The following FMNL1 variants were observed in gnomAD, a reference collection of about 807,000 sequenced individuals.
FMNL1 encodes the protein formin-like protein 1.
In FMNL1, 43 loss-of-function variants were observed where a neutral mutation model predicts 121.3. The ratio of observed to expected loss-of-function variants is 0.35; its 90% CI spans 0.28 to 0.46. The LOEUF is 0.46. FMNL1 is among the 20% of genes least tolerant of loss of function. The pLI is 1.00. For synonymous variants in FMNL1, 613 were observed against 613.5 expected, an observed-to-expected ratio of 1.00 and a Z score of 0.01; for missense variants, 1,191 against 1,482.4, an observed-to-expected ratio of 0.80 and a Z score of 3.23.
chr17:45,232,928 G>C (rs960584192), intron 3 of FMNL1: 6 of 529,916 alleles, frequency 1.1e-5, no homozygotes, highest in African/African-American at 7.6e-5. Context: ...TTCATGTGCT[G>C]TGTGTGTGTG....
chr17:45,246,736 CA>C (rs1452000295), intron 26 of FMNL1, 130 bp from the exon 27 acceptor site: 8 of 903,568 alleles, frequency 8.9e-6, no homozygotes, highest in Non-Finnish European at 1.4e-5. Context: ...AGGGGTCTGG[CA>C]AACATAAACG....
chr17:45,240,803 T>C, intron 12 of FMNL1, 178 bp downstream of exon 12: 1 of 944,948 alleles, frequency 1.1e-6, no homozygotes, highest in Non-Finnish European at 1.5e-6. Flanking sequence ...GTTGGGTGTC[T>C]TTCTCAATGA....
chr17:45,234,300 G>C (rs761172187), intron 6 of FMNL1, 100 bp downstream of exon 6: 1 of 1,592,682 alleles, frequency 6.3e-7, no homozygotes. Flanking sequence ...GTTGGCGAGA[G>C]GGGTAGCCAT....
intron 3 of FMNL1, 76 bp downstream of exon 3, chr17:45,232,556 T>C: frequency 1.5e-6 from 2 of 1,364,946 alleles, no homozygotes; most frequent in Non-Finnish European, 2.1e-6. Context: ...TAACTGTGTG[T>C]ACAGACTTTT....
intron 24 of FMNL1, 33 bp downstream of exon 24, chr17:45,246,006 T>C: frequency 6.6e-7 from 1 of 1,524,884 alleles, no homozygotes; most frequent in South Asian, 1.3e-5. Context: ...GGTACTGGGC[T>C]GCAGGGATGC....
At position 45,234,412 on chromosome 17, in the gene FMNL1, C is replaced by T. The variant is rs113373859; in HGVS notation, c.614+212C>T. On this transcript the variant is annotated intron_variant, in intron 6 of 26. Coordinates refer to ENST00000331495, the MANE Select transcript of FMNL1 (RefSeq NM_005892.4). ...GGGTGCTGTGGCTCATGCCTGTAAT[C>T]CCAGCACTTTGGGAGACTGAGGTGG... 3,518 of 723,092 alleles carry T rather than the reference C, an allele frequency of 4.9e-3. 19 individuals are homozygous for T. Among genetic ancestry groups the T allele is most frequent in the Non-Finnish European group, 5.9e-3 (2,641 of 449,106 alleles). 44.8% of individuals were successfully genotyped at this position (723,092 alleles called of 1,614,324 possible).
chr17:45,225,409 C>T (rs1360063994), intron 1 of FMNL1, among the ~76,000 whole-genome samples: 4 of 152,300 alleles, frequency 2.6e-5, no homozygotes, highest in East Asian at 1.9e-4. Context: ...GCCATGGGGT[C>T]GCTCAGGCCT....
At position 45,229,216 on chromosome 17, in the gene FMNL1, T is replaced by A. The variant is rs541826381; in HGVS notation, c.130-1388T>A. ...CTTCAGCCGCTGGGGGCGGGGGGCC[T>A]GGCGGAGGGGCAGTTTCACCTCTCC... On this transcript the variant is annotated intron_variant, in intron 1 of 26. Coordinates refer to ENST00000331495, the MANE Select transcript of FMNL1 (RefSeq NM_005892.4). 3.7e-3 allele frequency among the ~76,000 whole-genome samples: 568 copies of A among 152,310 alleles called. 4 individuals are homozygous for A. The highest frequency in any genetic ancestry group is 0.013 in the African/African-American group (545 of 41,572).
intron 19 of FMNL1, among the ~76,000 whole-genome samples, chr17:45,244,588 C>T (rs1567972868): frequency 6.6e-6 from 1 of 152,190 alleles, no homozygotes; most frequent in Non-Finnish European, 1.5e-5. Flanking sequence ...GTGGGTTGGA[C>T]TAGCAGAGGA....
rs1406700912 is a variant in FMNL1 at position 45,237,928 on chromosome 17, G to A, written c.894+289G>A. On this transcript the variant is annotated intron_variant, in intron 9 of 26. Transcript: ENST00000331495. This position sits in a 1 kb window ranked among gnomAD's most constrained non-coding sequence, Gnocchi z 4.4. The stretch of plus-strand genomic sequence containing the variant: ...CCTTGCCAGATCCAAACTAGCCTTG[G>A]TTCATACCTCCAGGAGTTGCGGACT... The A allele has an allele frequency of 9.7e-5, 35 of 362,390 alleles. No individual in the cohort carries two copies. In the Admixed American group the frequency reaches 1.3e-3, roughly 13 times the overall value. 22.4% of individuals were successfully genotyped at this position (362,390 alleles called of 1,614,324 possible).
chr17:45,241,862 C>G lies in FMNL1; in HGVS notation c.1601C>G (p.Ala534Gly). ...GSPSPDLAPA[A>G]EPAPGAAPPP... ...GCTGGCTCAGATCTCGCACCTGCAGCAGAGCCGGCTCCCGGAGCAGCGCCA... is the reference window on the plus strand; with the variant it reads ...GCTGGCTCAGATCTCGCACCTGCAGGAGAGCCGGCTCCCGGAGCAGCGCCA... Residue 534 changes from alanine (A) to glycine (G), a missense_variant, in exon 15 of 27, where the codon GCA (alanine) becomes GGA (glycine). Transcript: ENST00000331495. The surrounding 1 kb of genome is among the most constrained non-coding windows in gnomAD (Gnocchi z 7.0). 1 of 1,431,738 alleles carries G rather than the reference C, an allele frequency of 7.0e-7. No individual in the cohort carries two copies. Among genetic ancestry groups the G allele is most frequent in the Non-Finnish European group, 9.1e-7 (1 of 1,102,412 alleles). The allele number at this position is 1,431,738 out of a possible 1,614,324, so 88.7% of individuals were successfully genotyped here. A position where few individuals can be genotyped will look rare whatever the true frequency, so the allele number is the denominator to read the frequency against.
rs1319695521 is a variant in FMNL1 at position 45,246,337 on chromosome 17, G to T, written c.3211+7G>T. 6.2e-7 allele frequency: 1 copy of T among 1,613,942 alleles called. No homozygotes were observed. Among genetic ancestry groups the T allele is most frequent in the Non-Finnish European group, 8.5e-7 (1 of 1,180,016 alleles). On this transcript the variant is annotated splice_region_variant and intron_variant, in intron 25 of 26. Coordinates refer to ENST00000331495, the MANE Select transcript of FMNL1 (RefSeq NM_005892.4). ...ATTGAAGACATCATCACAGGTAAGG[G>T]CTTGGCCAGGCCTTGGTCTTATCCT...
Position 45,247,026 on chromosome 17 carries a change from C to A in FMNL1, c.*168C>A. On this transcript the variant is annotated 3_prime_UTR_variant, in exon 27 of 27. Coordinates refer to ENST00000331495, the MANE Select transcript of FMNL1 (RefSeq NM_005892.4). ...GTGTGGGGCCGTGGACAGGCTGAGGCTCAAGGAAGGTGGTCCTCAGCTCGG... is the reference window on the plus strand; with the variant it reads ...GTGTGGGGCCGTGGACAGGCTGAGGATCAAGGAAGGTGGTCCTCAGCTCGG... The A allele has an allele frequency of 1.5e-6, 1 of 665,518 alleles. No individual in the cohort carries two copies. Among genetic ancestry groups the A allele is most frequent in the Non-Finnish European group, 2.8e-6 (1 of 359,892 alleles). The allele number at this position is 665,518 out of a possible 1,614,324, so 41.2% of individuals were successfully genotyped here. A position where few individuals can be genotyped will look rare whatever the true frequency, so the allele number is the denominator to read the frequency against.
chr17:45,222,320 G>T, intron 1 of FMNL1, 67 bp downstream of exon 1: 1 of 1,104,612 alleles, frequency 9.1e-7, no homozygotes, highest in Non-Finnish European at 1.1e-6. Flanking sequence ...GGGGCTGGGC[G>T]CGCGTCCCCG....
In FMNL1 at chr17:45,241,370, T is replaced by G; in HGVS notation, c.1333-12T>G. ...TGCTGGTGGGCACTGACCCCTCCCG[T>G]GGGGTTCGTAGGAGCGCTTCAGCGA... On this transcript the variant is annotated splice_polypyrimidine_tract_variant and intron_variant, in intron 13 of 26. Coordinates refer to ENST00000331495, the MANE Select transcript of FMNL1 (RefSeq NM_005892.4). The surrounding 1 kb of genome is among the most constrained non-coding windows in gnomAD (Gnocchi z 7.0). The G allele has an allele frequency of 6.3e-7, 1 of 1,575,856 alleles. No individual in the cohort carries two copies. The highest frequency in any genetic ancestry group is 2.3e-5 in the East Asian group (1 of 42,624).
rs753237836 is a variant in FMNL1, at chr17:45,243,323, G to A, written c.2213+3G>A. On this transcript the variant is annotated splice_donor_region_variant and intron_variant, in intron 17 of 26. Coordinates refer to ENST00000331495, the MANE Select transcript of FMNL1 (RefSeq NM_005892.4). ...CGCATCTGCCAAGCCATTGAGGCGT[G>A]AGTGTCCCTGTCCTGGGTTTGTGGG... The A allele has an allele frequency of 2.7e-5, 43 of 1,612,788 alleles. No homozygotes were observed. In the East Asian group the frequency reaches 8.7e-4, roughly 33 times the overall value.
Position 45,241,836 on chromosome 17 carries a change from C to A in FMNL1, c.1586-11C>A. ...TCGCGCCTCCCCCACGCCGCGCCCTCGCTGGCTCAGATCTCGCACCTGCAG... is the reference window on the plus strand; with the variant it reads ...TCGCGCCTCCCCCACGCCGCGCCCTAGCTGGCTCAGATCTCGCACCTGCAG... On this transcript the variant is annotated splice_polypyrimidine_tract_variant and intron_variant, in intron 14 of 26. Transcript: ENST00000331495. The surrounding 1 kb of genome is among the most constrained non-coding windows in gnomAD (Gnocchi z 7.0). The A allele has an allele frequency of 1.4e-6, 2 of 1,419,924 alleles. No individual in the cohort carries two copies. Among genetic ancestry groups the A allele is most frequent in the Non-Finnish European group, 1.8e-6 (2 of 1,095,468 alleles). 88.0% of individuals were successfully genotyped at this position (1,419,924 alleles called of 1,614,324 possible).
At position 45,223,281 on chromosome 17, in the gene FMNL1, G is replaced by A. The variant is rs541991734; in HGVS notation, c.129+1028G>A. On this transcript the variant is annotated intron_variant, in intron 1 of 26. Transcript: ENST00000331495. ...CAGGTCTGAGGGTGGGGGCTCAACG[G>A]AGACACAGGCCGCAGAGGGTTCTGG... is the stretch of plus-strand genomic sequence containing the variant. 5.3e-5 allele frequency among the ~76,000 whole-genome samples: 8 copies of A among 152,342 alleles called. No individual in the cohort carries two copies. The East Asian group carries it at 1.5e-3, about 29-fold the overall frequency.
Position 45,241,793 on chromosome 17 carries a change from C to T in FMNL1, c.1586-54C>T, listed in dbSNP as rs902154038. The T allele has an allele frequency of 7.1e-7, 1 of 1,404,124 alleles. No individual in the cohort carries two copies. 87.0% of individuals were successfully genotyped at this position (1,404,124 alleles called of 1,614,324 possible). On this transcript the variant is annotated intron_variant, in intron 14 of 26. Coordinates refer to ENST00000331495, the MANE Select transcript of FMNL1 (RefSeq NM_005892.4). The surrounding 1 kb of genome is among the most constrained non-coding windows in gnomAD (Gnocchi z 7.0). ...AGCGGAGAGGCGGAGAGGGGCCCAC[C>T]CAAGTCAAGGAGCTGACTCGCGCCT...
Sources: gnomAD v4.1 joint callset for allele counts (sites outside exome capture counted in the v4.1 genomes callset) on GRCh38, gnomAD v4.1.1 for gene constraint, Gnocchi (gnomAD v3.1) non-coding constraint, MANE v1.5 for transcripts, NCBI Gene and HGNC (gene_info 2026-07-23, HGNC 2026-07-21) for gene names.